The following ARHGAP42 variants were observed in gnomAD, a reference collection of about 807,000 sequenced individuals.
ARHGAP42 encodes the protein rho GTPase-activating protein 42.
Under a neutral mutation model 125.0 loss-of-function variants are expected in ARHGAP42, and 63 were observed. The ratio of observed to expected loss-of-function variants is 0.50; its 90% CI spans 0.41 to 0.62. The LOEUF (loss-of-function observed/expected upper bound fraction) is 0.62, where lower values mean the gene tolerates loss of function less well. Among genes scored for constraint, ARHGAP42 ranks in the 20% least tolerant of loss-of-function variants. The probability of loss-of-function intolerance (pLI) is 0.00; values close to 1 mark genes in which losing one functional copy is unlikely to be tolerated. For missense variants in ARHGAP42, 766 were observed against 1,024.2 expected (o/e 0.75, Z 3.44); for synonymous variants, 339 against 351.0 (o/e 0.97, Z 0.38).
chr11:100,900,063 T>C (rs922936114), intron 4 of ARHGAP42, among the ~76,000 whole-genome samples: 18 of 152,164 alleles, frequency 1.2e-4, no homozygotes, highest in African/African-American at 4.3e-4. Context: ...TCTTTCCATG[T>C]TTAGTGCTAC....
At chr11:100,916,587 G>C (rs1252698883) in intron 5 of ARHGAP42, among the ~76,000 whole-genome samples, 1 of 152,098 alleles carries the variant, frequency 6.6e-6, no homozygotes, top group Admixed American at 6.6e-5. Flanking sequence ...TCTATTGTTA[G>C]TGAAGGTATA....
chr11:100,722,764 A>C (rs952513733), intron 1 of ARHGAP42, among the ~76,000 whole-genome samples: 35 of 152,244 alleles, frequency 2.3e-4, no homozygotes, highest in African/African-American at 8.4e-4. Flanking sequence ...TATTCTCCCA[A>C]CAGTTTCTTT....
At chr11:100,774,344 C>T (rs1230130467) in intron 2 of ARHGAP42, among the ~76,000 whole-genome samples, 6 of 152,186 alleles carry the variant, frequency 3.9e-5, no homozygotes, top group African/African-American at 1.4e-4. Context: ...ACAGCGTTTT[C>T]ACTGTCTTTA....
At chr11:100,801,061 T>C (rs979608091) in intron 3 of ARHGAP42, among the ~76,000 whole-genome samples, 3 of 152,356 alleles carry the variant, frequency 2.0e-5, no homozygotes, top group Middle Eastern at 3.4e-3. Flanking sequence ...GAAAATTTCA[T>C]ATTGGAAGTG....
intron 4 of ARHGAP42, among the ~76,000 whole-genome samples, chr11:100,911,241 G>C (rs1046604264): frequency 3.9e-5 from 6 of 151,942 alleles, no homozygotes; most frequent in Non-Finnish European, 7.4e-5. Context: ...TGTCTGTGAG[G>C]GTCTGTGGTG....
At chr11:100,690,237 G>T (rs566002974) in intron 1 of ARHGAP42, among the ~76,000 whole-genome samples, 1 of 151,918 alleles carries the variant, frequency 6.6e-6, no homozygotes, top group Non-Finnish European at 1.5e-5. Context: ...TCCATTACCC[G>T]TTTCAGTTTT....
chr11:100,893,913 T>A (rs1257769652), intron 4 of ARHGAP42, among the ~76,000 whole-genome samples: 1 of 151,978 alleles, frequency 6.6e-6, no homozygotes, highest in African/African-American at 2.4e-5. Flanking sequence ...AAAACTGCAA[T>A]GAGTTCATTA....
intron 3 of ARHGAP42, among the ~76,000 whole-genome samples, chr11:100,812,957 A>G (rs1864182357): frequency 1.3e-5 from 2 of 152,206 alleles, no homozygotes; most frequent in Admixed American, 6.5e-5. Flanking sequence ...GTAGAGGACA[A>G]GACTGTGTGC....
chr11:100,976,611 C>A (rs923856250), intron 20 of ARHGAP42, among the ~76,000 whole-genome samples, 174 bp downstream of exon 20: 4 of 152,174 alleles, frequency 2.6e-5, no homozygotes, highest in Non-Finnish European at 5.9e-5. Flanking sequence ...TTTCCTGAAT[C>A]TTTCCATGTC....
chr11:100,859,038 A>ATAAT (rs1279020179), intron 3 of ARHGAP42, among the ~76,000 whole-genome samples: 5 of 152,138 alleles, frequency 3.3e-5, no homozygotes, highest in African/African-American at 1.2e-4. Flanking sequence ...TATTTTAGTC[A>ATAAT]GGTTGGAAAC....
intron 1 of ARHGAP42, among the ~76,000 whole-genome samples, chr11:100,725,806 G>A (rs1861847373): frequency 1.3e-5 from 2 of 151,694 alleles, no homozygotes; most frequent in Admixed American, 6.6e-5. Flanking sequence ...ATGGTGGCGG[G>A]CGCCTGTAGT....
At chr11:100,933,876 C>T (rs955864718) in intron 7 of ARHGAP42, among the ~76,000 whole-genome samples, 1 of 152,068 alleles carries the variant, frequency 6.6e-6, no homozygotes, top group Non-Finnish European at 1.5e-5. Flanking sequence ...CAACCTCCAC[C>T]TCCTGGGTTC....
chr11:100,790,371 C>A (rs1351121765), intron 2 of ARHGAP42, among the ~76,000 whole-genome samples: 1 of 151,300 alleles, frequency 6.6e-6, no homozygotes, highest in Non-Finnish European at 1.5e-5. Context: ...AAGTGTTTTT[C>A]CAATATTATG....
intron 3 of ARHGAP42, among the ~76,000 whole-genome samples, chr11:100,846,472 C>T (rs747505936): frequency 6.6e-6 from 1 of 152,150 alleles, no homozygotes; most frequent in Non-Finnish European, 1.5e-5. Flanking sequence ...TTTCCACTCT[C>T]TAACTTCCTG....
intron 4 of ARHGAP42, among the ~76,000 whole-genome samples, chr11:100,879,289 TG>T (rs1328566085): frequency 6.6e-6 from 1 of 152,154 alleles, no homozygotes; most frequent in Non-Finnish European, 1.5e-5. Flanking sequence ...CCTCTCTATT[TG>T]GGGGGTTATC....
rs1169132586 is a variant in ARHGAP42 at position 100,989,662 on chromosome 11, A to G, written c.*861A>G. ...TTTCTACCAGTAGCATTATAGTGGC[A>G]TCATAGAAGAATATTTACCAATGAT... On this transcript the variant is annotated 3_prime_UTR_variant, in exon 24 of 24. Transcript: ENST00000298815. 1 of 152,236 alleles carries G rather than the reference A, an allele frequency of 6.6e-6. No homozygotes were observed. The highest frequency in any genetic ancestry group is 1.9e-4 in the East Asian group (1 of 5,204). The allele number at this position is 152,236 out of a possible 1,614,324, so 9.4% of individuals were successfully genotyped here. A position where few individuals can be genotyped will look rare whatever the true frequency, so the allele number is the denominator to read the frequency against.
intron 4 of ARHGAP42, among the ~76,000 whole-genome samples, chr11:100,897,667 T>C (rs1477866571): frequency 1.3e-5 from 2 of 152,220 alleles, no homozygotes; most frequent in Non-Finnish European, 2.9e-5. Flanking sequence ...ATAGGAATGC[T>C]TGTGATTTTT....
At chr11:100,899,722 G>GTATTTTTTTTTT (rs1866480080) in intron 4 of ARHGAP42, among the ~76,000 whole-genome samples, 1 of 67,232 alleles carries the variant, frequency 1.5e-5, no homozygotes, top group Non-Finnish European at 2.9e-5. Flanking sequence ...TTTGTGTTTT[G>GTATTTTTTTTTT]TTTTTTTTTT....
At chr11:100,698,041 A>T (rs901615581) in intron 1 of ARHGAP42, among the ~76,000 whole-genome samples, 1 of 152,196 alleles carries the variant, frequency 6.6e-6, no homozygotes, top group African/African-American at 2.4e-5. Flanking sequence ...TATTTATTTT[A>T]AAACATTTTT....
Sources: gnomAD v4.1 joint callset for allele counts (sites outside exome capture counted in the v4.1 genomes callset) on GRCh38, gnomAD v4.1.1 for gene constraint, MANE v1.5 for transcripts, NCBI Gene and HGNC (gene_info 2026-07-23, HGNC 2026-07-21) for gene names.